Variants in EPRS1 observed in about 807,000 individuals in gnomAD.
EPRS1 encodes glutamyl-prolyl-tRNA synthetase 1.
EPRS1 carries 107 observed loss-of-function variants against 188.3 expected under a neutral mutation model. The observed-to-expected ratio is 0.57, with a 90% CI of 0.49 to 0.67. The LOEUF (loss-of-function observed/expected upper bound fraction) is 0.67, where lower values mean the gene tolerates loss of function less well. Ranked by LOEUF, EPRS1 falls within the 30% of genes least tolerant of loss-of-function variation. The pLI is 0.00. For synonymous variants in EPRS1, 596 were observed against 593.1 expected, an observed-to-expected ratio of 1.00 and a Z score of -0.07; for missense variants, 1,577 against 1,802.2, an observed-to-expected ratio of 0.88 and a Z score of 2.26.
At chr1:220,006,890 T>C (rs946951934) in intron 14 of EPRS1, among the ~76,000 whole-genome samples, 1 of 152,188 alleles carries the variant, frequency 6.6e-6, no homozygotes, top group South Asian at 2.1e-4. Flanking sequence ...GTCTAAAAGA[T>C]CCCCATGTCA....
intron 14 of EPRS1, among the ~76,000 whole-genome samples, chr1:220,006,929 T>C (rs1280663586): frequency 6.6e-6 from 1 of 152,208 alleles, no homozygotes; most frequent in Non-Finnish European, 1.5e-5. Context: ...CTTTTTATCA[T>C]GTAATTTCTC....
intron 18 of EPRS1, among the ~76,000 whole-genome samples, chr1:219,991,156 G>A (rs1203948842): frequency 6.8e-6 from 1 of 146,022 alleles, no homozygotes; most frequent in Non-Finnish European, 1.5e-5. Flanking sequence ...CATTCAGAAT[G>A]AGTACTCAAA....
intron 21 of EPRS1, 69 bp downstream of exon 21, chr1:219,984,137 T>C: frequency 9.3e-7 from 1 of 1,073,872 alleles, no homozygotes; most frequent in Non-Finnish European, 1.4e-6. Context: ...GCCCATATTT[T>C]AGAATCTGAA....
chr1:220,012,420 C>T (rs1239473099), intron 12 of EPRS1, among the ~76,000 whole-genome samples: 4 of 152,152 alleles, frequency 2.6e-5, no homozygotes, highest in East Asian at 1.9e-4. Flanking sequence ...CTGTTTCCTC[C>T]GCTGCCAAAA....
At chr1:220,018,301 A>G (rs1246642869) in intron 12 of EPRS1, 148 bp downstream of exon 12, 20 of 915,010 alleles carry the variant, frequency 2.2e-5, no homozygotes, top group Non-Finnish European at 2.9e-5. Context: ...GTATTTAAAA[A>G]AGGAAAACAT....
At chr1:220,002,457 A>T (rs1193482178) in intron 16 of EPRS1, among the ~76,000 whole-genome samples, 1 of 152,236 alleles carries the variant, frequency 6.6e-6, no homozygotes, top group Non-Finnish European at 1.5e-5. Flanking sequence ...GCCACTAGAA[A>T]GGGCGTTAGT....
rs577353511 is a variant in EPRS1, at chr1:219,998,833, G to A, written c.2182-1491C>T. ...TGGGATTACAAGCTTAAGCCACTGC[G>A]CCTGGCCTGTTCTGCTACATTTAAT... is the stretch of plus-strand genomic sequence containing the variant. On this transcript the variant is annotated intron_variant, in intron 17 of 31. Coordinates refer to ENST00000366923, the MANE Select transcript of EPRS1 (RefSeq NM_004446.3). Among the ~76,000 whole-genome samples, 12 of 150,902 alleles carry A rather than the reference G, an allele frequency of 8.0e-5. No individual in the cohort carries two copies. The South Asian group carries it at 1.3e-3, about 16-fold the overall frequency.
intron 6 of EPRS1, among the ~76,000 whole-genome samples, chr1:220,027,720 T>C (rs2577151): frequency 0.8 from 121,649 of 151,768 alleles, 48,915 homozygotes; most frequent in East Asian, 0.93. Context: ...CAGTGGCTCA[T>C]GCCTGTAATC....
chr1:220,007,048 A>T lies in EPRS1; in HGVS notation c.1742+154T>A, dbSNP rs540626928. On this transcript the variant is annotated intron_variant, in intron 14 of 31. Coordinates refer to ENST00000366923, the MANE Select transcript of EPRS1 (RefSeq NM_004446.3). ...TAAACTGAAAGATATATGGAAAAAAATTTAACTTGTGTCCAGAATTTGCAG... is the reference window on the plus strand; with the variant it reads ...TAAACTGAAAGATATATGGAAAAAATTTTAACTTGTGTCCAGAATTTGCAG... Among the ~76,000 whole-genome samples the T allele has an allele frequency of 1.7e-4, 26 of 152,352 alleles. No individual in the cohort carries two copies. In the South Asian group the frequency reaches 5.0e-3, roughly 29 times the overall value.
chr1:220,021,149 C>T (rs1436497146), intron 9 of EPRS1, among the ~76,000 whole-genome samples: 1 of 151,860 alleles, frequency 6.6e-6, no homozygotes, highest in Admixed American at 6.6e-5. Flanking sequence ...TCCCAAAGTG[C>T]TGGTATTACA....
chr1:219,984,504 G>A lies in EPRS1; in HGVS notation c.3039-247C>T, dbSNP rs533078226. Reference sequence around the variant, plus strand: ...TGTGATCCTGTCTCACTGCAACCTCGGACTCCTCAGCTCAAGAGATTCTCT... The same window carrying A: ...TGTGATCCTGTCTCACTGCAACCTCAGACTCCTCAGCTCAAGAGATTCTCT... On this transcript the variant is annotated intron_variant, in intron 20 of 31. Coordinates refer to ENST00000366923, the MANE Select transcript of EPRS1 (RefSeq NM_004446.3). Among the ~76,000 whole-genome samples the A allele has an allele frequency of 7.2e-5, 11 of 152,132 alleles. No homozygotes were observed. In the South Asian group the frequency reaches 8.3e-4, roughly 11 times the overall value.
At chr1:220,007,173 T>C (rs1227143168) in intron 14 of EPRS1, 29 bp downstream of exon 14, 2 of 1,582,548 alleles carry the variant, frequency 1.3e-6, no homozygotes, top group Non-Finnish European at 1.7e-6. Flanking sequence ...TCTCCTATGT[T>C]TATTTGAAAA....
chr1:220,024,826 T>C (rs911268460), intron 7 of EPRS1, among the ~76,000 whole-genome samples: 1 of 152,198 alleles, frequency 6.6e-6, no homozygotes, highest in African/African-American at 2.4e-5. Context: ...TTAGTGTTTA[T>C]TTCATTCATA....
intron 17 of EPRS1, among the ~76,000 whole-genome samples, chr1:219,998,634 C>T (rs187339545): frequency 6.6e-6 from 1 of 151,506 alleles, no homozygotes; most frequent in East Asian, 1.9e-4. Context: ...CCTCCGCCTC[C>T]CGGGTTCAAG....
rs1558061422 is a variant in EPRS1, at chr1:220,032,535, A to G, written c.389-9T>C. ...TTGCCAGGCAGCATTTCCTATGAGCAAAGATAATTTTAAACTATTCAATAA... is the reference window on the plus strand; with the variant it reads ...TTGCCAGGCAGCATTTCCTATGAGCGAAGATAATTTTAAACTATTCAATAA... On this transcript the variant is annotated splice_polypyrimidine_tract_variant and intron_variant, in intron 4 of 31. Transcript: ENST00000366923. The G allele has an allele frequency of 6.2e-7, 1 of 1,612,538 alleles. No homozygotes were observed. Among genetic ancestry groups the G allele is most frequent in the East Asian group, 2.2e-5 (1 of 44,864 alleles).
chr1:220,024,971 A>G (rs1301212577), intron 7 of EPRS1, 161 bp downstream of exon 7: 39 of 670,462 alleles, frequency 5.8e-5, no homozygotes, highest in Middle Eastern at 4.1e-4. Context: ...TTGGTATGGG[A>G]GCTCGACATT....
chr1:219,980,010 G>T, intron 26 of EPRS1, 75 bp downstream of exon 26: 4 of 1,251,544 alleles, frequency 3.2e-6, no homozygotes, highest in South Asian at 1.5e-5. Context: ...CTTCTGTGAT[G>T]ACAGAAGAAA....
chr1:220,025,317 C>G, intron 6 of EPRS1, 59 bp from the exon 7 acceptor site: 2 of 1,377,658 alleles, frequency 1.5e-6, no homozygotes, highest in Non-Finnish European at 2.0e-6. Context: ...AATACTTAAA[C>G]TTAACCTTTT....
intron 30 of EPRS1, among the ~76,000 whole-genome samples, chr1:219,971,795 T>TATATACACAC (rs140568859): frequency 4.6e-5 from 5 of 108,398 alleles, no homozygotes; most frequent in South Asian, 3.3e-4. Flanking sequence ...TATATATATA[T>TATATACACAC]ACATATACAC....
Sources: gnomAD v4.1 joint callset for allele counts (sites outside exome capture counted in the v4.1 genomes callset) on GRCh38, gnomAD v4.1.1 for gene constraint, MANE v1.5 for transcripts, NCBI Gene and HGNC (gene_info 2026-07-23, HGNC 2026-07-21) for gene names.